The following ZNF609 variants were observed in gnomAD, a reference collection of about 807,000 sequenced individuals.
The protein encoded by ZNF609 is zinc finger protein 609.
Under a neutral mutation model 109.5 loss-of-function variants are expected in ZNF609, and 11 were observed. That is an observed-to-expected ratio of 0.10 (90% confidence interval 0.06 to 0.17). The LOEUF (loss-of-function observed/expected upper bound fraction) is 0.17. ZNF609 is among the 10% of genes least tolerant of loss of function. The probability of loss-of-function intolerance (pLI) is 1.00; values close to 1 mark genes in which losing one functional copy is unlikely to be tolerated. For missense variants in ZNF609, 1,559 were observed against 1,772.4 expected, an observed-to-expected ratio of 0.88 and a Z score of 2.16; for synonymous variants, 646 against 662.0, an observed-to-expected ratio of 0.98 and a Z score of 0.37.
chr15:64,554,413 G>A (rs1894542131), intron 2 of ZNF609, among the ~76,000 whole-genome samples: 1 of 152,064 alleles, frequency 6.6e-6, no homozygotes, highest in African/African-American at 2.4e-5. Context: ...GGCCAAGGCA[G>A]GCAGATTGCT....
intron 1 of ZNF609, among the ~76,000 whole-genome samples, chr15:64,477,622 C>CT (rs1893191780): frequency 1.9e-5 from 1 of 53,576 alleles, no homozygotes; most frequent in South Asian, 3.7e-4. Flanking sequence ...TGTCTTATTT[C>CT]CTTTTTTTTT....
intron 2 of ZNF609, among the ~76,000 whole-genome samples, chr15:64,601,638 A>G (rs145339651): frequency 6.6e-6 from 1 of 152,330 alleles, no homozygotes; most frequent in African/African-American, 2.4e-5. Flanking sequence ...TTTAAGTCCA[A>G]ATTAATCATA....
At chr15:64,461,192 C>G (rs1044584212) in intron 1 of ZNF609, among the ~76,000 whole-genome samples, 109 of 54,992 alleles carry the variant, frequency 2.0e-3, no homozygotes, top group African/African-American at 7.8e-3. Flanking sequence ...CTCGGGGCGA[C>G]TGGGGCCAGT....
At chr15:64,496,441 C>T (rs142864913) in intron 1 of ZNF609, among the ~76,000 whole-genome samples, 1 of 152,232 alleles carries the variant, frequency 6.6e-6, no homozygotes, top group African/African-American at 2.4e-5. Context: ...CTAAGCCTAG[C>T]CACAATTGCA....
At chr15:64,672,907 T>G (rs567658329) in intron 4 of ZNF609, among the ~76,000 whole-genome samples, 82 of 145,380 alleles carry the variant, frequency 5.6e-4, no homozygotes, top group African/African-American at 2.0e-3. Context: ...GAGGTTACAG[T>G]GAGCCGAGAT....
Position 64,577,042 on chromosome 15 carries a change from A to G in ZNF609, c.748-45785A>G, listed in dbSNP as rs1178940400. On this transcript the variant is annotated intron_variant, in intron 2 of 9. Coordinates refer to ENST00000326648, the MANE Select transcript of ZNF609 (RefSeq NM_015042.2). ...CACATAAATATATATATGTATATAT[A>G]CACATAAATATATACATATATGTAT... Among the ~76,000 whole-genome samples the G allele has an allele frequency of 2.5e-5, 3 of 119,976 alleles. 1 individual carries two copies. Among genetic ancestry groups the G allele is most frequent in the Non-Finnish European group, 5.2e-5 (3 of 57,402 alleles). 78.7% of individuals were successfully genotyped at this position (119,976 alleles called of 152,430 possible).
At chr15:64,680,423 G>C (rs1163053233) in intron 7 of ZNF609, 63 bp downstream of exon 7, 12 of 1,580,128 alleles carry the variant, frequency 7.6e-6, no homozygotes, top group Non-Finnish European at 1.0e-5. Flanking sequence ...TCCAGGGTCT[G>C]GGAGAAGGTG....
At chr15:64,611,918 G>A (rs1396753353) in intron 2 of ZNF609, among the ~76,000 whole-genome samples, 2 of 150,516 alleles carry the variant, frequency 1.3e-5, no homozygotes, top group South Asian at 2.1e-4. Context: ...TGTATTTTTT[G>A]TAGAGATGGG....
intron 3 of ZNF609, among the ~76,000 whole-genome samples, chr15:64,667,725 AAAAG>A (rs936145584): frequency 1.3e-5 from 2 of 152,150 alleles, no homozygotes; most frequent in African/African-American, 4.8e-5. Context: ...AAAAAAAAGA[AAAAG>A]AAAAAGAAAC....
At chr15:64,644,099 G>A (rs1038343747) in intron 3 of ZNF609, among the ~76,000 whole-genome samples, 44 of 151,910 alleles carry the variant, frequency 2.9e-4, no homozygotes, top group Middle Eastern at 3.2e-3. Context: ...GCAAGACCCT[G>A]TCTCAAAATA....
At chr15:64,680,450 G>A in intron 7 of ZNF609, 90 bp downstream of exon 7, 1 of 1,514,886 alleles carries the variant, frequency 6.6e-7, no homozygotes, top group East Asian at 2.3e-5. Flanking sequence ...TTCAGGTCCT[G>A]ACCACAGTGC....
intron 1 of ZNF609, among the ~76,000 whole-genome samples, chr15:64,492,039 C>T (rs529283046): frequency 1.3e-5 from 2 of 151,894 alleles, no homozygotes; most frequent in South Asian, 2.1e-4. Context: ...ATCAGGAGTT[C>T]GAGACCAGCA....
chr15:64,593,290 G>A (rs917047228), intron 2 of ZNF609: 95 of 1,485,560 alleles, frequency 6.4e-5, no homozygotes, highest in Non-Finnish European at 6.9e-5. Flanking sequence ...TTAGACCTGC[G>A]GGTGCTGCCC....
At chr15:64,647,481 A>G (rs928639553) in intron 3 of ZNF609, among the ~76,000 whole-genome samples, 4 of 152,086 alleles carry the variant, frequency 2.6e-5, no homozygotes, top group Non-Finnish European at 5.9e-5. Flanking sequence ...GAGATAACCA[A>G]TGTTTGAATT....
chr15:64,586,977 T>G (rs555063741), intron 2 of ZNF609, among the ~76,000 whole-genome samples: 1 of 152,346 alleles, frequency 6.6e-6, no homozygotes, highest in South Asian at 2.1e-4. Flanking sequence ...AGATAATAAT[T>G]TCTTTTCTTT....
chr15:64,616,411 G>A (rs1895798243), intron 2 of ZNF609, among the ~76,000 whole-genome samples: 1 of 151,896 alleles, frequency 6.6e-6, no homozygotes, highest in Admixed American at 6.6e-5. Context: ...ACTCTTTGTG[G>A]GGAGATGAAT....
intron 2 of ZNF609, among the ~76,000 whole-genome samples, chr15:64,578,060 A>T (rs1445393141): frequency 6.6e-6 from 1 of 151,598 alleles, no homozygotes; most frequent in Non-Finnish European, 1.5e-5. Flanking sequence ...GATATGAATG[A>T]CTTTGTAAGT....
chr15:64,674,820 G>A lies in ZNF609; in HGVS notation c.1966G>A (p.Ala656Thr). 1 of 1,614,072 alleles carries A rather than the reference G, an allele frequency of 6.2e-7. No homozygotes were observed. Among genetic ancestry groups the A allele is most frequent in the Non-Finnish European group, 8.5e-7 (1 of 1,180,000 alleles). Residue 656 changes from alanine (A) to threonine (T), a missense_variant, in exon 5 of 10, where the codon GCC becomes ACC. Around this residue, in one of 4 missense-constraint regions of ZNF609, gnomAD observed 1,204 missense variants for 1,314.1 expected, o/e 0.92. Coordinates refer to ENST00000326648, the MANE Select transcript of ZNF609 (RefSeq NM_015042.2). ...EKIPSKSLKS[A>T]RPIAPAIPPQ... ...GATTCCTTCCAAGAGCCTAAAGTCA[G>A]CCCGTCCCATTGCCCCTGCCATCCC...
chr15:64,464,417 T>C (rs1892983322), intron 1 of ZNF609, among the ~76,000 whole-genome samples: 1 of 152,238 alleles, frequency 6.6e-6, no homozygotes, highest in Non-Finnish European at 1.5e-5. Context: ...TTTCTCCTAC[T>C]CTGAAGGTAG....
Sources: allele counts gnomAD v4.1 joint callset (sites outside exome capture counted in the v4.1 genomes callset), GRCh38; gene constraint gnomAD v4.1.1; regional missense constraint gnomAD v4.1.1; transcripts MANE v1.5; gene names NCBI Gene and HGNC (gene_info 2026-07-23, HGNC 2026-07-21).